ROR1: variants seen among roughly 807,000 people sequenced by gnomAD.
ROR1 encodes the protein ROR family WNT receptor 1.
ROR1 carries 19 observed loss-of-function variants against 78.8 expected under a neutral mutation model. That is an observed-to-expected ratio of 0.24 (90% CI 0.17 to 0.35). ROR1 has a LOEUF of 0.35. ROR1 is among the 10% of genes least tolerant of loss of function. The pLI, the probability that ROR1 is intolerant of heterozygous loss-of-function variation, is 1.00. For synonymous variants in ROR1, 386 were observed against 433.6 expected (o/e 0.89, Z 1.36); for missense variants, 917 against 1,177.8 (o/e 0.78, Z 3.24).
At chr1:63,852,063 A>G (rs993960638) in intron 1 of ROR1, among the ~76,000 whole-genome samples, 2 of 152,268 alleles carry the variant, frequency 1.3e-5, no homozygotes, top group African/African-American at 2.4e-5. Flanking sequence ...GCATATGACA[A>G]ATCCTTCAGA....
intron 1 of ROR1, among the ~76,000 whole-genome samples, chr1:63,874,867 C>T (rs1361591707): frequency 6.6e-6 from 1 of 150,462 alleles, no homozygotes; most frequent in Non-Finnish European, 1.5e-5. Flanking sequence ...AGTTTCATTT[C>T]ATCAATTTTT....
intron 1 of ROR1, among the ~76,000 whole-genome samples, chr1:63,837,718 G>A (rs1276849076): frequency 6.6e-6 from 1 of 152,198 alleles, no homozygotes; most frequent in Non-Finnish European, 1.5e-5. Flanking sequence ...CTACTTGGGA[G>A]GCTGGAGTAG....
At chr1:63,893,242 C>T (rs1346242986) in intron 1 of ROR1, among the ~76,000 whole-genome samples, 1 of 152,104 alleles carries the variant, frequency 6.6e-6, no homozygotes, top group East Asian at 1.9e-4. Flanking sequence ...AAACCTCAGA[C>T]TCCTGTGGTA....
chr1:63,776,206 T>G (rs950282585), intron 1 of ROR1, among the ~76,000 whole-genome samples: 6 of 152,240 alleles, frequency 3.9e-5, no homozygotes, highest in African/African-American at 1.4e-4. Flanking sequence ...TTTTAGATCA[T>G]AGCCCCTTGT....
intron 1 of ROR1, among the ~76,000 whole-genome samples, chr1:63,920,688 C>A (rs1036749896): frequency 6.6e-6 from 1 of 152,344 alleles, no homozygotes; most frequent in South Asian, 2.1e-4. Context: ...CAGCCCACCT[C>A]TCCTGGACAC....
At chr1:64,144,104 A>G (rs951382016) in intron 7 of ROR1, among the ~76,000 whole-genome samples, 2 of 152,182 alleles carry the variant, frequency 1.3e-5, no homozygotes, top group Non-Finnish European at 2.9e-5. Flanking sequence ...ATTGGAGACA[A>G]GAGGAGTCAC....
chr1:64,093,508 A>T (rs929983864), intron 4 of ROR1, among the ~76,000 whole-genome samples: 10 of 152,186 alleles, frequency 6.6e-5, no homozygotes, highest in Non-Finnish European at 1.3e-4. Context: ...TTTTTAAAAG[A>T]GGGGTGGGAG....
intron 2 of ROR1, among the ~76,000 whole-genome samples, chr1:64,024,312 CT>C (rs1646590878): frequency 6.6e-6 from 1 of 152,102 alleles, no homozygotes; most frequent in South Asian, 2.1e-4. Context: ...GAAACCCTGT[CT>C]GTACTAAAAA....
chr1:63,933,272 A>G (rs1320700487), intron 1 of ROR1, among the ~76,000 whole-genome samples: 1 of 152,138 alleles, frequency 6.6e-6, no homozygotes, highest in African/African-American at 2.4e-5. Flanking sequence ...GACCTTTCAC[A>G]GTGCGTTTCA....
At chr1:63,810,483 G>A (rs1452860294) in intron 1 of ROR1, among the ~76,000 whole-genome samples, 1 of 152,214 alleles carries the variant, frequency 6.6e-6, no homozygotes, top group African/African-American at 2.4e-5. Flanking sequence ...CTGCTAGGCA[G>A]GAGGGGGAAA....
At chr1:64,074,490 A>G (rs188492935) in intron 4 of ROR1, among the ~76,000 whole-genome samples, 3 of 152,330 alleles carry the variant, frequency 2.0e-5, no homozygotes, top group Non-Finnish European at 4.4e-5. Flanking sequence ...ATTAGGTGAG[A>G]CCAAGAGAAT....
At chr1:63,803,405 G>A (rs570304394) in intron 1 of ROR1, among the ~76,000 whole-genome samples, 27 of 151,350 alleles carry the variant, frequency 1.8e-4, no homozygotes, top group East Asian at 5.9e-4. Flanking sequence ...GTGCAGTGGC[G>A]CAATATCGGC....
At chr1:63,824,028 G>A (rs947366770) in intron 1 of ROR1, among the ~76,000 whole-genome samples, 10 of 152,158 alleles carry the variant, frequency 6.6e-5, no homozygotes, top group East Asian at 5.8e-4. Flanking sequence ...AATTACAGGC[G>A]TGAGCTACCG....
At chr1:63,985,051 A>G (rs982815971) in intron 1 of ROR1, among the ~76,000 whole-genome samples, 2 of 152,124 alleles carry the variant, frequency 1.3e-5, no homozygotes, top group African/African-American at 2.4e-5. Context: ...ATATTACTAC[A>G]TACCCAGGGT....
At position 64,178,511 on chromosome 1, in the gene ROR1, A is replaced by G. The variant is rs756443215; in HGVS notation, c.2470A>G (p.Ile824Val). 5.0e-6 allele frequency: 8 copies of G among 1,614,216 alleles called. No homozygotes were observed. The Middle Eastern group carries it at 6.6e-4, about 133-fold the overall frequency. The change falls in exon 9 of 9, where the codon ATA (isoleucine) becomes GTA (valine). Residue 824 changes from isoleucine to valine, a missense_variant. By Grantham distance (29) the Ile-to-Val change is conservative (BLOSUM62 3). Coordinates refer to ENST00000371079, the MANE Select transcript of ROR1 (RefSeq NM_005012.4). The surrounding 1 kb of genome is among the most constrained non-coding windows in gnomAD (Gnocchi z 4.3). ...ATTCATTCCCATCAATGGATACCCA[A>G]TACCTCCTGGATATGCAGCGTTTCC... ...QRFIPINGYP[I>V]PPGYAAFPAA... is the part of the protein sequence containing the mutation.
intron 1 of ROR1, among the ~76,000 whole-genome samples, chr1:63,930,214 G>T (rs146711447): frequency 1.3e-5 from 2 of 152,082 alleles, no homozygotes; most frequent in Admixed American, 1.3e-4. Flanking sequence ...TACTTTAAAG[G>T]CAGGGATTCC....
chr1:64,090,275 T>A (rs1318905498), intron 4 of ROR1, among the ~76,000 whole-genome samples: 1 of 152,138 alleles, frequency 6.6e-6, no homozygotes, highest in Non-Finnish European at 1.5e-5. Flanking sequence ...TGACAGTGAG[T>A]CATGTGACAG....
In ROR1 at chr1:64,178,084, C is replaced by G; in HGVS notation, c.2043C>G (p.Val681=). The part of the protein sequence containing the change: ...SDSDIWSFGV[V]LWEIFSFGLQ... ...CAGATATCTGGTCCTTTGGGGTTGTCTTGTGGGAGATTTTCAGTTTTGGAC... is the reference window on the plus strand; with the variant it reads ...CAGATATCTGGTCCTTTGGGGTTGTGTTGTGGGAGATTTTCAGTTTTGGAC... The change falls in exon 9 of 9, where the codon GTC becomes GTG. Residue 681 remains valine (V), a synonymous_variant. Transcript: ENST00000371079. This position sits in a 1 kb window ranked among gnomAD's most constrained non-coding sequence, Gnocchi z 4.3. 1.2e-6 allele frequency: 2 copies of G among 1,614,058 alleles called. No individual in the cohort carries two copies. Among genetic ancestry groups the G allele is most frequent in the Non-Finnish European group, 1.7e-6 (2 of 1,180,018 alleles).
intron 2 of ROR1, among the ~76,000 whole-genome samples, chr1:64,041,449 T>C (rs1377061211): frequency 6.6e-6 from 1 of 152,148 alleles, no homozygotes; most frequent in Non-Finnish European, 1.5e-5. Context: ...GACCTATTCA[T>C]TAAAATAAGC....
Sources: allele counts gnomAD v4.1 joint callset (sites outside exome capture counted in the v4.1 genomes callset), GRCh38; gene constraint gnomAD v4.1.1; non-coding constraint Gnocchi (gnomAD v3.1); transcripts MANE v1.5; gene names NCBI Gene and HGNC (gene_info 2026-07-23, HGNC 2026-07-21).